NCBP2AS2: variants seen among roughly 807,000 people sequenced by gnomAD.
The protein encoded by NCBP2AS2 is protein NCBP2AS2.
For synonymous variants in NCBP2AS2, 67 were observed against 28.0 expected (o/e 2.39, Z -4.40); for missense variants, 125 against 56.0 (o/e 2.23, Z -3.93).
In NCBP2AS2 at chr3:196,943,140, C is replaced by T; in HGVS notation, c.*124C>T. 1 of 588,702 alleles carries T rather than the reference C, an allele frequency of 1.7e-6. No individual in the cohort carries two copies. Among genetic ancestry groups the T allele is most frequent in the Non-Finnish European group, 3.0e-6 (1 of 336,112 alleles). 36.5% of individuals were successfully genotyped at this position (588,702 alleles called of 1,614,324 possible). A position where few individuals can be genotyped will look rare whatever the true frequency, so the allele number is the denominator to read the frequency against. On this transcript the variant is annotated 3_prime_UTR_variant, in exon 1 of 1. Coordinates refer to ENST00000602845, the MANE Select transcript of NCBP2AS2 (RefSeq NM_001355243.2). ...AATCCCGACTGGGATTGTTGGCCTG[C>T]AGACATCCCACGCATAAGAGCCTAG...
chr3:196,942,880 C>T lies in NCBP2AS2; in HGVS notation c.164C>T (p.Ala55Val), dbSNP rs1323928049. The T allele has an allele frequency of 4.3e-6, 3 of 699,686 alleles. No homozygotes were observed. The highest frequency in any genetic ancestry group is 3.5e-5 in the African/African-American group (2 of 56,790). The allele number at this position is 699,686 out of a possible 1,614,324, so 43.3% of individuals were successfully genotyped here. ...GCGGCCCGCCGCCTGCAGGACCTCG[C>T]GGCTGGGCCCGTGGGCTCCCTGTGC... is the stretch of plus-strand genomic sequence containing the variant. ...QDAARRLQDLAAGPVGSLCRR... is the reference protein window; with the variant it reads ...QDAARRLQDLVAGPVGSLCRR... Residue 55 changes from alanine to valine, a missense_variant, in exon 1 of 1, where the codon GCG (alanine) becomes GTG (valine). Ala to Val is a moderately conservative substitution (Grantham distance 64). Transcript: ENST00000602845.
rs1461067702 is a variant in NCBP2AS2 at position 196,942,792 on chromosome 3, A to G, written c.76A>G (p.Ile26Val). The change falls in exon 1 of 1, where the codon ATC becomes GTC. Residue 26 changes from isoleucine (I) to valine (V), a missense_variant. Coordinates refer to ENST00000602845, the MANE Select transcript of NCBP2AS2 (RefSeq NM_001355243.2). ...GGAACGTCTGTCAGAGTCGCGGCCT[A>G]TCCGACGTGCGGCGCAGCTCACGGC... ...LVERLSESRPIRRAAQLTAFA... is the reference protein window; with the variant it reads ...LVERLSESRPVRRAAQLTAFA... 7 of 699,506 alleles carry G rather than the reference A, an allele frequency of 1.0e-5. No homozygotes were observed. Among genetic ancestry groups the G allele is most frequent in the East Asian group, 2.7e-5 (1 of 36,926 alleles). The allele number at this position is 699,506 out of a possible 1,614,324, so 43.3% of individuals were successfully genotyped here. A position where few individuals can be genotyped will look rare whatever the true frequency, so the allele number is the denominator to read the frequency against.
In NCBP2AS2 at chr3:196,943,037, AG is replaced by A; in HGVS notation, c.*23del. On this transcript the variant is annotated 3_prime_UTR_variant, in exon 1 of 1. Transcript: ENST00000602845. The stretch of plus-strand genomic sequence containing the variant: ...TTTAATCCTGGGCTGTGCGGGGCCG[AG>A]GCCGCTTGCTTTTCCTTCCGGGCTC... 1 of 656,094 alleles carries A rather than the reference AG, an allele frequency of 1.5e-6. No homozygotes were observed. The highest frequency in any genetic ancestry group is 1.6e-5 in the South Asian group (1 of 60,854). 40.6% of individuals were successfully genotyped at this position (656,094 alleles called of 1,614,324 possible). A position where few individuals can be genotyped will look rare whatever the true frequency, so the allele number is the denominator to read the frequency against.
In NCBP2AS2 at chr3:196,942,675, A is replaced by C. The variant is rs1560172549; in HGVS notation, c.-42A>C. 1.2e-6 allele frequency: 1 copy of C among 835,902 alleles called. No homozygotes were observed. Among genetic ancestry groups the C allele is most frequent in the Non-Finnish European group, 1.9e-6 (1 of 521,914 alleles). 51.8% of individuals were successfully genotyped at this position (835,902 alleles called of 1,614,324 possible). On this transcript the variant is annotated 5_prime_UTR_variant, in exon 1 of 1. Transcript: ENST00000602845. ...GTCCGGGTCGGGCGCCGCGGGGCGGAAGACGAGGGCGGCGAGGTCGGGTTC... is the reference window on the plus strand; with the variant it reads ...GTCCGGGTCGGGCGCCGCGGGGCGGCAGACGAGGGCGGCGAGGTCGGGTTC...
Position 196,942,741 on chromosome 3 carries a change from G to A in NCBP2AS2, c.25G>A (p.Ala9Thr), listed in dbSNP as rs1039669661. The change falls in exon 1 of 1, where the codon GCC becomes ACC. Residue 9 changes from alanine to threonine, a missense_variant. Transcript: ENST00000602845. MVLRRLLA[A>T]LLHSPQLVER... The stretch of plus-strand genomic sequence containing the variant: ...GATGGTGCTGCGGCGGCTGCTGGCC[G>A]CCCTGCTGCACAGCCCGCAGCTGGT... The A allele has an allele frequency of 7.2e-6, 5 of 698,478 alleles. No homozygotes were observed. The East Asian group carries it at 8.1e-5, about 11-fold the overall frequency. 43.3% of individuals were successfully genotyped at this position (698,478 alleles called of 1,614,324 possible).
Position 196,943,188 on chromosome 3 carries a change from A to G in NCBP2AS2, c.*172A>G, listed in dbSNP as rs1434932156. The G allele has an allele frequency of 6.5e-5, 36 of 551,662 alleles. 1 individual carries two copies. The highest frequency in any genetic ancestry group is 6.4e-4 in the South Asian group (28 of 43,954). 34.2% of individuals were successfully genotyped at this position (551,662 alleles called of 1,614,324 possible). A position where few individuals can be genotyped will look rare whatever the true frequency, so the allele number is the denominator to read the frequency against. ...TAGGCCAGACCGCCCGCTCCGTTGA[A>G]GTCTTGTGATTGGACAAGACACAGT... On this transcript the variant is annotated 3_prime_UTR_variant, in exon 1 of 1. Transcript: ENST00000602845.
rs945646360 is a variant in NCBP2AS2 at position 196,942,732 on chromosome 3, C to T, written c.16C>T (p.Leu6=). The T allele has an allele frequency of 1.1e-5, 8 of 700,000 alleles. No individual in the cohort carries two copies. The highest frequency in any genetic ancestry group is 2.1e-5 in the Non-Finnish European group (8 of 388,112). The allele number at this position is 700,000 out of a possible 1,614,324, so 43.4% of individuals were successfully genotyped here. A position where few individuals can be genotyped will look rare whatever the true frequency, so the allele number is the denominator to read the frequency against. The change falls in exon 1 of 1, where the codon CTG becomes TTG. Residue 6 remains leucine (L), a synonymous_variant. Transcript: ENST00000602845. MVLRR[L]LAALLHSPQL... is the part of the protein sequence containing the mutation. ...CTTGGAGAAGATGGTGCTGCGGCGG[C>T]TGCTGGCCGCCCTGCTGCACAGCCC...
rs989230279 is a variant in NCBP2AS2, at chr3:196,942,861, C to T, written c.145C>T (p.Arg49Cys). The T allele has an allele frequency of 1.4e-6, 1 of 697,930 alleles. No individual in the cohort carries two copies. Among genetic ancestry groups the T allele is most frequent in the Non-Finnish European group, 2.6e-6 (1 of 382,772 alleles). 43.2% of individuals were successfully genotyped at this position (697,930 alleles called of 1,614,324 possible). The change falls in exon 1 of 1, where the codon CGC becomes TGC. Residue 49 changes from arginine to cysteine, a missense_variant. Arg to Cys is a radical substitution (Grantham distance 180). Coordinates refer to ENST00000602845, the MANE Select transcript of NCBP2AS2 (RefSeq NM_001355243.2). ...CCAGCTGCGGGGCCAGGACGCGGCC[C>T]GCCGCCTGCAGGACCTCGCGGCTGG... ...QAQLRGQDAA[R>C]RLQDLAAGPV...
chr3:196,943,508 C>T lies in NCBP2AS2; in HGVS notation c.*492C>T, dbSNP rs760074842. The T allele has an allele frequency of 6.4e-6, 1 of 155,648 alleles. No homozygotes were observed. The highest frequency in any genetic ancestry group is 1.4e-5 in the Non-Finnish European group (1 of 70,344). The allele number at this position is 155,648 out of a possible 1,614,324, so 9.6% of individuals were successfully genotyped here. ...TGTTAAGAATACCGGGGACTGTAGG[C>T]CTATGGTAATAATAAACACGTATTT... On this transcript the variant is annotated 3_prime_UTR_variant, in exon 1 of 1. Transcript: ENST00000602845.
chr3:196,943,168 C>T lies in NCBP2AS2; in HGVS notation c.*152C>T, dbSNP rs1716699666. 20 of 565,586 alleles carry T rather than the reference C, an allele frequency of 3.5e-5. No homozygotes were observed. In the South Asian group the frequency reaches 4.2e-4, roughly 12 times the overall value. 35.0% of individuals were successfully genotyped at this position (565,586 alleles called of 1,614,324 possible). A position where few individuals can be genotyped will look rare whatever the true frequency, so the allele number is the denominator to read the frequency against. On this transcript the variant is annotated 3_prime_UTR_variant, in exon 1 of 1. Coordinates refer to ENST00000602845, the MANE Select transcript of NCBP2AS2 (RefSeq NM_001355243.2). Reference sequence around the variant, plus strand: ...ACATCCCACGCATAAGAGCCTAGGCCAGACCGCCCGCTCCGTTGAAGTCTT... The same window carrying T: ...ACATCCCACGCATAAGAGCCTAGGCTAGACCGCCCGCTCCGTTGAAGTCTT...
rs1577870451 is a variant in NCBP2AS2, at chr3:196,943,124, T to G, written c.*108T>G. 20 of 597,432 alleles carry G rather than the reference T, an allele frequency of 3.3e-5. No individual in the cohort carries two copies. In the East Asian group the frequency reaches 6.0e-4, roughly 18 times the overall value. The allele number at this position is 597,432 out of a possible 1,614,324, so 37.0% of individuals were successfully genotyped here. On this transcript the variant is annotated 3_prime_UTR_variant, in exon 1 of 1. Transcript: ENST00000602845. ...ACTGCGCGCGGCTTCGAATCCCGAC[T>G]GGGATTGTTGGCCTGCAGACATCCC...
rs1457686065 is a variant in NCBP2AS2 at position 196,942,901 on chromosome 3, T to C, written c.185T>C (p.Leu62Pro). 2.9e-6 allele frequency: 2 copies of C among 700,678 alleles called. No homozygotes were observed. Among genetic ancestry groups the C allele is most frequent in the Non-Finnish European group, 5.2e-6 (2 of 384,140 alleles). 43.4% of individuals were successfully genotyped at this position (700,678 alleles called of 1,614,324 possible). ...CTCGCGGCTGGGCCCGTGGGCTCCC[T>C]GTGCCGCCGCGCTGAGCGATTTAGA... is the stretch of plus-strand genomic sequence containing the variant. ...QDLAAGPVGS[L>P]CRRAERFRDA... Residue 62 changes from leucine to proline, a missense_variant, in exon 1 of 1, where the codon CTG becomes CCG. Leu to Pro is a moderately conservative substitution (Grantham distance 98). Coordinates refer to ENST00000602845, the MANE Select transcript of NCBP2AS2 (RefSeq NM_001355243.2).
In NCBP2AS2 at chr3:196,943,154, A is replaced by C; in HGVS notation, c.*138A>C. 3 of 582,942 alleles carry C rather than the reference A, an allele frequency of 5.1e-6. No individual in the cohort carries two copies. Among genetic ancestry groups the C allele is most frequent in the Non-Finnish European group, 9.0e-6 (3 of 333,038 alleles). 36.1% of individuals were successfully genotyped at this position (582,942 alleles called of 1,614,324 possible). ...TTGTTGGCCTGCAGACATCCCACGC[A>C]TAAGAGCCTAGGCCAGACCGCCCGC... On this transcript the variant is annotated 3_prime_UTR_variant, in exon 1 of 1. Transcript: ENST00000602845.
Position 196,943,206 on chromosome 3 carries a change from G to C in NCBP2AS2, c.*190G>C. The C allele has an allele frequency of 2.2e-6, 1 of 463,338 alleles. No individual in the cohort carries two copies. The highest frequency in any genetic ancestry group is 6.0e-5 in the African/African-American group (1 of 16,562). The allele number at this position is 463,338 out of a possible 1,614,324, so 28.7% of individuals were successfully genotyped here. ...CCGTTGAAGTCTTGTGATTGGACAA[G>C]ACACAGTGTGGAGACAGCCCTAAGC... On this transcript the variant is annotated 3_prime_UTR_variant, in exon 1 of 1. Transcript: ENST00000602845.
Position 196,943,350 on chromosome 3 carries a change from C to G in NCBP2AS2, c.*334C>G, listed in dbSNP as rs1304233660. 9.9e-6 allele frequency: 3 copies of G among 304,288 alleles called. No individual in the cohort carries two copies. Among genetic ancestry groups the G allele is most frequent in the Non-Finnish European group, 1.8e-5 (3 of 165,366 alleles). The allele number at this position is 304,288 out of a possible 1,614,324, so 18.8% of individuals were successfully genotyped here. Reference sequence around the variant, plus strand: ...AAACTCTTGACAGATGCTGCTCAATCTGACTGGTATAGCAGGACAGTTAAT... The same window carrying G: ...AAACTCTTGACAGATGCTGCTCAATGTGACTGGTATAGCAGGACAGTTAAT... On this transcript the variant is annotated 3_prime_UTR_variant, in exon 1 of 1. Coordinates refer to ENST00000602845, the MANE Select transcript of NCBP2AS2 (RefSeq NM_001355243.2).
At position 196,943,182 on chromosome 3, in the gene NCBP2AS2, C is replaced by A. The variant is rs1314242951; in HGVS notation, c.*166C>A. On this transcript the variant is annotated 3_prime_UTR_variant, in exon 1 of 1. Transcript: ENST00000602845. ...AGAGCCTAGGCCAGACCGCCCGCTC[C>A]GTTGAAGTCTTGTGATTGGACAAGA... The A allele has an allele frequency of 3.6e-6, 2 of 555,620 alleles. No individual in the cohort carries two copies. Among genetic ancestry groups the A allele is most frequent in the Non-Finnish European group, 6.3e-6 (2 of 319,826 alleles). 34.4% of individuals were successfully genotyped at this position (555,620 alleles called of 1,614,324 possible).
In NCBP2AS2 at chr3:196,943,085, G is replaced by A. The variant is rs960969643; in HGVS notation, c.*69G>A. 2 of 622,510 alleles carry A rather than the reference G, an allele frequency of 3.2e-6. No individual in the cohort carries two copies. Among genetic ancestry groups the A allele is most frequent in the African/African-American group, 3.9e-5 (2 of 50,756 alleles). 38.6% of individuals were successfully genotyped at this position (622,510 alleles called of 1,614,324 possible). A position where few individuals can be genotyped will look rare whatever the true frequency, so the allele number is the denominator to read the frequency against. On this transcript the variant is annotated 3_prime_UTR_variant, in exon 1 of 1. Transcript: ENST00000602845. ...GCTCTACAGTGGCATCAATGTGGAG[G>A]GGTCATTCCGGGCACTGCGCGCGGC...
rs779103334 is a variant in NCBP2AS2, at chr3:196,942,899, C to T, written c.183C>T (p.Ser61=). 5.7e-6 allele frequency: 4 copies of T among 700,744 alleles called. No homozygotes were observed. In the South Asian group the frequency reaches 5.9e-5, roughly 10 times the overall value. 43.4% of individuals were successfully genotyped at this position (700,744 alleles called of 1,614,324 possible). ...LQDLAAGPVG[S]LCRRAERFRD... The stretch of plus-strand genomic sequence containing the variant: ...ACCTCGCGGCTGGGCCCGTGGGCTC[C>T]CTGTGCCGCCGCGCTGAGCGATTTA... Residue 61 remains serine, a synonymous_variant, in exon 1 of 1, where the codon TCC becomes TCT. Coordinates refer to ENST00000602845, the MANE Select transcript of NCBP2AS2 (RefSeq NM_001355243.2).
Position 196,943,144 on chromosome 3 carries a change from C to A in NCBP2AS2, c.*128C>A. On this transcript the variant is annotated 3_prime_UTR_variant, in exon 1 of 1. Coordinates refer to ENST00000602845, the MANE Select transcript of NCBP2AS2 (RefSeq NM_001355243.2). ...CCGACTGGGATTGTTGGCCTGCAGA[C>A]ATCCCACGCATAAGAGCCTAGGCCA... The A allele has an allele frequency of 1.7e-6, 1 of 586,196 alleles. No homozygotes were observed. The highest frequency in any genetic ancestry group is 3.0e-6 in the Non-Finnish European group (1 of 334,784). 36.3% of individuals were successfully genotyped at this position (586,196 alleles called of 1,614,324 possible). A position where few individuals can be genotyped will look rare whatever the true frequency, so the allele number is the denominator to read the frequency against.
Sources: allele counts gnomAD v4.1 joint callset, GRCh38; gene constraint gnomAD v4.1.1; transcripts MANE v1.5; gene names NCBI Gene and HGNC (gene_info 2026-07-23, HGNC 2026-07-21).